The following PTPRT variants were observed in gnomAD, a reference collection of about 807,000 sequenced individuals.
PTPRT encodes receptor-type tyrosine-protein phosphatase T.
In PTPRT, 56 loss-of-function variants were observed where a neutral mutation model predicts 176.8. The observed-to-expected ratio is 0.32, with a 90% CI of 0.26 to 0.40. The LOEUF (loss-of-function observed/expected upper bound fraction) is 0.40. Among genes scored for constraint, PTPRT ranks in the 10% least tolerant of loss-of-function variants. The pLI, the probability that PTPRT is intolerant of heterozygous loss-of-function variation, is 1.00. For missense variants in PTPRT, 1,540 were observed against 1,908.2 expected, an observed-to-expected ratio of 0.81 and a Z score of 3.60; for synonymous variants, 783 against 739.0, an observed-to-expected ratio of 1.06 and a Z score of -0.96.
chr20:42,133,785 A>G (rs1314752158), intron 18 of PTPRT, among the ~76,000 whole-genome samples: 4 of 152,106 alleles, frequency 2.6e-5, no homozygotes, highest in African/African-American at 9.7e-5. Context: ...TGTGGGTGGG[A>G]GGGAGTACAT....
At chr20:42,472,188 G>A in intron 8 of PTPRT, 78 bp downstream of exon 8, 1 of 1,459,078 alleles carries the variant, frequency 6.9e-7, no homozygotes, top group Non-Finnish European at 9.3e-7. Context: ...AAAAATAAAA[G>A]CCTCATAACT....
At chr20:42,456,224 TG>T (rs1233894566) in intron 8 of PTPRT, among the ~76,000 whole-genome samples, 2 of 152,198 alleles carry the variant, frequency 1.3e-5, no homozygotes, top group East Asian at 3.9e-4. Context: ...GAAATGGAAT[TG>T]ACTTTTTAAT....
chr20:42,947,169 C>T (rs1280365209), intron 1 of PTPRT, among the ~76,000 whole-genome samples: 3 of 152,218 alleles, frequency 2.0e-5, no homozygotes, highest in Non-Finnish European at 4.4e-5. Context: ...GTACTACCTG[C>T]ATTCCACCCA....
At chr20:42,661,709 C>T (rs1320153155) in intron 7 of PTPRT, among the ~76,000 whole-genome samples, 1 of 152,190 alleles carries the variant, frequency 6.6e-6, no homozygotes, top group Non-Finnish European at 1.5e-5. Context: ...CCCTAACTCC[C>T]ACTCTCACCT....
intron 7 of PTPRT, among the ~76,000 whole-genome samples, chr20:42,472,957 C>A (rs1265561541): frequency 1.3e-5 from 2 of 152,168 alleles, no homozygotes; most frequent in Admixed American, 1.3e-4. Context: ...GCTGACCTGC[C>A]TCCTTATACT....
intron 9 of PTPRT, among the ~76,000 whole-genome samples, chr20:42,434,116 G>A (rs748301540): frequency 6.6e-6 from 1 of 151,722 alleles, no homozygotes; most frequent in Non-Finnish European, 1.5e-5. Flanking sequence ...TGTTGCAAAT[G>A]CACAAGAACT....
intron 1 of PTPRT, among the ~76,000 whole-genome samples, chr20:43,148,877 T>C (rs10439560): frequency 0.13 from 20,023 of 152,182 alleles, 1,552 homozygotes; most frequent in Middle Eastern, 0.21. Flanking sequence ...ACCTCCAAGA[T>C]TGCAAAACAT....
At chr20:43,152,161 G>C (rs963353338) in intron 1 of PTPRT, among the ~76,000 whole-genome samples, 32 of 151,902 alleles carry the variant, frequency 2.1e-4, no homozygotes, top group African/African-American at 7.7e-4. Context: ...TGAACCACAG[G>C]CTCAAAGACT....
At chr20:42,632,467 C>G (rs1020351669) in intron 7 of PTPRT, among the ~76,000 whole-genome samples, 1 of 152,032 alleles carries the variant, frequency 6.6e-6, no homozygotes, top group Non-Finnish European at 1.5e-5. Flanking sequence ...TTGTGATCCA[C>G]TCACCTCGAC....
chr20:42,090,314 A>C (rs190367405), intron 27 of PTPRT, among the ~76,000 whole-genome samples: 237 of 151,512 alleles, frequency 1.6e-3, no homozygotes, highest in Middle Eastern at 6.8e-3. Context: ...CCGTGTGGAA[A>C]TTCTGGATCA....
At chr20:43,033,116 T>C (rs1233768314) in intron 1 of PTPRT, among the ~76,000 whole-genome samples, 1 of 152,216 alleles carries the variant, frequency 6.6e-6, no homozygotes, top group African/African-American at 2.4e-5. Flanking sequence ...TTTGGATACA[T>C]CTTTTACGTT....
chr20:42,278,605 T>C (rs2057087637), intron 13 of PTPRT, among the ~76,000 whole-genome samples: 1 of 152,106 alleles, frequency 6.6e-6, no homozygotes, highest in Non-Finnish European at 1.5e-5. Flanking sequence ...TGGATGGAAC[T>C]GGGCATCAGT....
At chr20:42,312,338 T>C (rs1455478352) in intron 12 of PTPRT, among the ~76,000 whole-genome samples, 1 of 152,174 alleles carries the variant, frequency 6.6e-6, no homozygotes, top group Admixed American at 6.5e-5. Flanking sequence ...ATTATAACAC[T>C]TTCTCCTCAA....
intron 1 of PTPRT, among the ~76,000 whole-genome samples, chr20:43,178,962 G>A (rs1004739133): frequency 2.0e-5 from 3 of 152,166 alleles, no homozygotes; most frequent in Non-Finnish European, 4.4e-5. Flanking sequence ...TCATACATTG[G>A]TGCCTCTTCT....
intron 7 of PTPRT, among the ~76,000 whole-genome samples, chr20:42,592,015 T>G (rs1055214339): frequency 6.9e-6 from 1 of 145,838 alleles, no homozygotes; most frequent in East Asian, 2.0e-4. Context: ...AGTCTCACTC[T>G]GTTGCCCAGG....
chr20:42,352,360 A>G (rs1161592181), intron 9 of PTPRT, 75 bp from the exon 10 acceptor site: 1 of 1,484,760 alleles, frequency 6.7e-7, no homozygotes, highest in East Asian at 2.3e-5. Flanking sequence ...CCTTTAGAGG[A>G]ACCTTAGGGA....
chr20:42,368,626 C>G (rs2058546109), intron 9 of PTPRT, among the ~76,000 whole-genome samples: 1 of 152,204 alleles, frequency 6.6e-6, no homozygotes. Flanking sequence ...CAGAGACTCT[C>G]TCCTTGGCAT....
intron 8 of PTPRT, among the ~76,000 whole-genome samples, chr20:42,462,779 C>A (rs886284072): frequency 6.6e-6 from 1 of 152,130 alleles, no homozygotes; most frequent in African/African-American, 2.4e-5. Flanking sequence ...CTGATGTTGG[C>A]CACACACTAC....
At chr20:42,230,978 C>T (rs1034920630) in intron 15 of PTPRT, among the ~76,000 whole-genome samples, 1 of 152,194 alleles carries the variant, frequency 6.6e-6, no homozygotes, top group Non-Finnish European at 1.5e-5. Context: ...CCTTTGGCTA[C>T]CTCTGATGCA....
Sources: gnomAD v4.1 joint callset for allele counts (sites outside exome capture counted in the v4.1 genomes callset) on GRCh38, gnomAD v4.1.1 for gene constraint, MANE v1.5 for transcripts, NCBI Gene and HGNC (gene_info 2026-07-23, HGNC 2026-07-21) for gene names.